Variants in AGBL4 observed in about 807,000 individuals in gnomAD.
AGBL4 encodes AGBL carboxypeptidase 4.
AGBL4 carries 58 observed loss-of-function variants against 66.4 expected under a neutral mutation model. That is an observed-to-expected ratio of 0.87 (90% confidence interval 0.71 to 1.09). The LOEUF is 1.09. AGBL4 is among the 50% of genes least tolerant of loss of function. The probability of loss-of-function intolerance (pLI) is 0.00; values close to 1 mark genes in which losing one functional copy is unlikely to be tolerated. For synonymous variants in AGBL4, 234 were observed against 222.9 expected (o/e 1.05, Z -0.44); for missense variants, 579 against 631.0 (o/e 0.92, Z 0.88).
chr1:49,955,967 G>A (rs2148332879), intron 1 of AGBL4, among the ~76,000 whole-genome samples: 1 of 151,822 alleles, frequency 6.6e-6, no homozygotes, highest in Admixed American at 6.6e-5. Flanking sequence ...TTCATTAACA[G>A]GATTTTAGGA....
chr1:48,761,450 T>G, intron 6 of AGBL4: 1 of 1,551,180 alleles, frequency 6.4e-7, no homozygotes, highest in Middle Eastern at 1.7e-4. Flanking sequence ...ATCACACTGT[T>G]TTCAAGGTCA....
chr1:49,697,226 T>C, intron 3 of AGBL4, 87 bp downstream of exon 3: 2 of 1,371,508 alleles, frequency 1.5e-6, no homozygotes, highest in East Asian at 2.6e-5. Context: ...ATTCTTAATA[T>C]AGTCATTATT....
At chr1:48,932,839 AC>A (rs1655141898) in intron 5 of AGBL4, among the ~76,000 whole-genome samples, 1 of 152,202 alleles carries the variant, frequency 6.6e-6, no homozygotes, top group Non-Finnish European at 1.5e-5. Flanking sequence ...CAAAAACAAA[AC>A]AAAACAAAAC....
chr1:49,543,676 AT>A (rs1290017452), intron 3 of AGBL4, among the ~76,000 whole-genome samples: 1 of 152,122 alleles, frequency 6.6e-6, no homozygotes, highest in African/African-American at 2.4e-5. Flanking sequence ...AGGGCATTAG[AT>A]TGCTAATCTC....
intron 4 of AGBL4, among the ~76,000 whole-genome samples, chr1:49,110,356 G>A (rs1454667317): frequency 1.3e-5 from 2 of 152,158 alleles, no homozygotes; most frequent in African/African-American, 2.4e-5. Context: ...GCACACAACT[G>A]TTATCACTGA....
intron 1 of AGBL4, among the ~76,000 whole-genome samples, chr1:49,901,646 A>T (rs1649778105): frequency 6.6e-6 from 1 of 152,236 alleles, no homozygotes; most frequent in Non-Finnish European, 1.5e-5. Flanking sequence ...TGTTATTCCT[A>T]TCAATCTAGC....
rs376125752 is a variant in AGBL4, at chr1:49,814,945, G to A, written c.157+36451C>T. 3.4e-4 allele frequency among the ~76,000 whole-genome samples: 51 copies of A among 152,214 alleles called. 1 individual carries two copies. The South Asian group carries it at 9.5e-3, about 28-fold the overall frequency. ...ATATCAGATGTTTTGATAGAGACGT[G>A]CAATGCAATGTGTAAAAATCACATC... On this transcript the variant is annotated intron_variant, in intron 2 of 13. Coordinates refer to ENST00000371839, the MANE Select transcript of AGBL4 (RefSeq NM_032785.4).
chr1:49,377,994 C>T (rs1039230414), intron 3 of AGBL4, among the ~76,000 whole-genome samples: 3 of 149,216 alleles, frequency 2.0e-5, no homozygotes, highest in African/African-American at 5.1e-5. Flanking sequence ...AAACTTCATG[C>T]CTTGTCTCCC....
intron 1 of AGBL4, among the ~76,000 whole-genome samples, chr1:49,885,851 C>T (rs1362489428): frequency 2.0e-5 from 3 of 152,106 alleles, no homozygotes; most frequent in Admixed American, 1.3e-4. Context: ...AGGGAAAATT[C>T]AGTACAGACA....
At chr1:49,840,310 G>A (rs1211500764) in intron 2 of AGBL4, among the ~76,000 whole-genome samples, 3 of 152,058 alleles carry the variant, frequency 2.0e-5, no homozygotes, top group African/African-American at 2.4e-5. Flanking sequence ...GGGAATAGTT[G>A]TAATGTTGTA....
intron 1 of AGBL4, among the ~76,000 whole-genome samples, chr1:49,922,349 T>C (rs1323143837): frequency 6.6e-6 from 1 of 152,124 alleles, no homozygotes; most frequent in African/African-American, 2.4e-5. Flanking sequence ...GCTAACATCA[T>C]ACTGAATGGG....
At chr1:49,542,440 AG>A (rs1652120592) in intron 3 of AGBL4, among the ~76,000 whole-genome samples, 1 of 152,168 alleles carries the variant, frequency 6.6e-6, no homozygotes, top group African/African-American at 2.4e-5. Context: ...TCCGAACATC[AG>A]AAGGAACAAA....
chr1:49,578,962 C>T (rs1232914407), intron 3 of AGBL4, among the ~76,000 whole-genome samples: 1 of 152,062 alleles, frequency 6.6e-6, no homozygotes, highest in Non-Finnish European at 1.5e-5. Context: ...TCATACCCAC[C>T]CTTAATTGGG....
intron 3 of AGBL4, among the ~76,000 whole-genome samples, chr1:49,423,519 G>C (rs1645590454): frequency 6.6e-6 from 1 of 152,026 alleles, no homozygotes. Context: ...CAATTAACTA[G>C]GGCAACTAGG....
chr1:49,074,780 T>A (rs139651270), intron 4 of AGBL4, among the ~76,000 whole-genome samples: 76 of 152,288 alleles, frequency 5.0e-4, no homozygotes, highest in African/African-American at 1.6e-3. Context: ...TGAGCTAACA[T>A]CTCATTACTA....
intron 4 of AGBL4, among the ~76,000 whole-genome samples, chr1:49,206,994 T>C (rs1449497163): frequency 2.6e-5 from 4 of 152,006 alleles, no homozygotes; most frequent in African/African-American, 9.7e-5. Context: ...TTCCGCTTGA[T>C]TCCCCAATCT....
intron 3 of AGBL4, among the ~76,000 whole-genome samples, chr1:49,342,682 C>G (rs1645564628): frequency 1.3e-5 from 2 of 152,210 alleles, no homozygotes; most frequent in Admixed American, 6.5e-5. Flanking sequence ...TTCGTGGTAG[C>G]AGTGAAGGTT....
At chr1:48,974,895 T>A (rs1659191890) in intron 5 of AGBL4, among the ~76,000 whole-genome samples, 1 of 152,132 alleles carries the variant, frequency 6.6e-6, no homozygotes, top group African/African-American at 2.4e-5. Flanking sequence ...TAGCATACCT[T>A]CCCTATATTT....
intron 4 of AGBL4, among the ~76,000 whole-genome samples, chr1:49,055,612 A>G (rs1644294347): frequency 6.6e-6 from 1 of 152,114 alleles, no homozygotes; most frequent in African/African-American, 2.4e-5. Flanking sequence ...CATATTAGAA[A>G]AAATATTCTT....
Sources: gnomAD v4.1 joint callset for allele counts (sites outside exome capture counted in the v4.1 genomes callset) on GRCh38, gnomAD v4.1.1 for gene constraint, MANE v1.5 for transcripts, NCBI Gene and HGNC (gene_info 2026-07-23, HGNC 2026-07-21) for gene names.